Variants in ABLIM2 observed in about 807,000 individuals in gnomAD.
ABLIM2 encodes actin-binding LIM protein 2.
A neutral mutation model predicts 97.7 loss-of-function variants in ABLIM2; 53 were observed. The ratio of observed to expected loss-of-function variants is 0.54; its 90% CI spans 0.44 to 0.68. The LOEUF is 0.68. Among genes scored for constraint, ABLIM2 ranks in the 30% least tolerant of loss-of-function variants. ABLIM2 has a pLI of 0.00. For missense variants in ABLIM2, 835 were observed against 867.2 expected, an observed-to-expected ratio of 0.96 and a Z score of 0.47; for synonymous variants, 361 against 345.8, an observed-to-expected ratio of 1.04 and a Z score of -0.49.
At chr4:8,154,094 C>G (rs1433505629) in intron 1 of ABLIM2, among the ~76,000 whole-genome samples, 1 of 149,666 alleles carries the variant, frequency 6.7e-6, no homozygotes. Context: ...TCCCGAGTAG[C>G]TGGGTCTACA....
chr4:7,994,769 T>TGACTTGTGGGCAAG (rs1752008231), intron 16 of ABLIM2, among the ~76,000 whole-genome samples: 1 of 114,068 alleles, frequency 8.8e-6, no homozygotes, highest in Non-Finnish European at 2.1e-5. Context: ...TGTTGTTTCC[T>TGACTTGTGGGCAAG]GACTTCATGT....
In ABLIM2 at chr4:8,029,506, C is replaced by G. The variant is rs367769091; in HGVS notation, c.1168+150G>C. On this transcript the variant is annotated intron_variant, in intron 11 of 20. Coordinates refer to ENST00000447017, the MANE Select transcript of ABLIM2 (RefSeq NM_001130083.2). ...CTAAATGAACAGGTTCTCAGCCACC[C>G]ACCCGCTGGCAATCCCACCCATTTC... 1.2e-3 allele frequency: 1,255 copies of G among 1,087,572 alleles called. 16 individuals are homozygous for G. The African/African-American group carries it at 0.018, about 15-fold the overall frequency. 67.4% of individuals were successfully genotyped at this position (1,087,572 alleles called of 1,614,324 possible).
Position 8,158,732 on chromosome 4 carries a change from GC to G in ABLIM2, c.-44del, listed in dbSNP as rs1476766187. ...GTCGGGGCGGCCCGGCGCTGCGACA[GC>G]CAGACCCTCGGGCCCGCAGGTGCCG... On this transcript the variant is annotated 5_prime_UTR_variant, in exon 1 of 21. Transcript: ENST00000447017. 9 of 1,408,706 alleles carry G rather than the reference GC, an allele frequency of 6.4e-6. 1 individual carries two copies. Among genetic ancestry groups the G allele is most frequent in the Non-Finnish European group, 8.3e-6 (9 of 1,080,378 alleles). The allele number at this position is 1,408,706 out of a possible 1,614,324, so 87.3% of individuals were successfully genotyped here.
intron 12 of ABLIM2, 34 bp from the exon 13 acceptor site, chr4:8,020,337 G>C: frequency 1.3e-6 from 2 of 1,564,830 alleles, no homozygotes; most frequent in African/African-American, 2.7e-5. Context: ...GCAGATAGAA[G>C]GGGAAACGGG....
Position 7,998,771 on chromosome 4 carries a change from G to A in ABLIM2, c.1619-5844C>T, listed in dbSNP as rs753702151. 5.3e-5 allele frequency: 24 copies of A among 455,698 alleles called. No individual in the cohort carries two copies. Among genetic ancestry groups the A allele is most frequent in the South Asian group, 9.3e-5 (6 of 64,682 alleles). 28.2% of individuals were successfully genotyped at this position (455,698 alleles called of 1,614,324 possible). A position where few individuals can be genotyped will look rare whatever the true frequency, so the allele number is the denominator to read the frequency against. ...GGCCACCTCCTGCTGCTGGGTGGGG[G>A]TGGGAGTGGGCAGGCAGGGCTGCTG... On this transcript the variant is annotated intron_variant, in intron 16 of 20. Coordinates refer to ENST00000447017, the MANE Select transcript of ABLIM2 (RefSeq NM_001130083.2). The surrounding 1 kb of genome is among the most constrained non-coding windows in gnomAD (Gnocchi z 6.4).
intron 14 of ABLIM2, chr4:8,010,508 C>A: frequency 1.0e-6 from 1 of 985,936 alleles, no homozygotes; most frequent in African/African-American, 1.7e-5. Flanking sequence ...AAGACTGATA[C>A]CAGGCCAGAG....
intron 16 of ABLIM2, among the ~76,000 whole-genome samples, chr4:7,995,802 G>A (rs1407151518): frequency 1.3e-5 from 2 of 152,222 alleles, no homozygotes; most frequent in African/African-American, 2.4e-5. Context: ...CATGTGAGAG[G>A]GGCGGGGGTC....
rs1238268059 is a variant in ABLIM2 at position 8,140,752 on chromosome 4, T to G, written c.10+17928A>C. Among the ~76,000 whole-genome samples the G allele has an allele frequency of 6.6e-6, 1 of 151,684 alleles. No homozygotes were observed. The highest frequency in any genetic ancestry group is 1.5e-5 in the Non-Finnish European group (1 of 67,952). On this transcript the variant is annotated intron_variant, in intron 1 of 20. Coordinates refer to ENST00000447017, the MANE Select transcript of ABLIM2 (RefSeq NM_001130083.2). This position sits in a 1 kb window ranked among gnomAD's most constrained non-coding sequence, Gnocchi z 5.9. The stretch of plus-strand genomic sequence containing the variant: ...CAGCAGAGAGTAGCACCCAGACACA[T>G]GTGGAAGGAGGGAAAGGGCTGACGA...
intron 10 of ABLIM2, among the ~76,000 whole-genome samples, chr4:8,030,556 C>T (rs1296423886): frequency 1.3e-5 from 2 of 152,218 alleles, no homozygotes; most frequent in Admixed American, 1.3e-4. Context: ...TCTCCCACCC[C>T]GAGGTGTGCT....
chr4:8,089,250 A>G (rs958273818), intron 3 of ABLIM2, among the ~76,000 whole-genome samples: 3 of 152,180 alleles, frequency 2.0e-5, no homozygotes, highest in African/African-American at 7.2e-5. Context: ...CTAGCAAGCT[A>G]AGGCCAGGCC....
At chr4:8,098,813 G>C (rs1833011112) in intron 2 of ABLIM2, among the ~76,000 whole-genome samples, 1 of 152,206 alleles carries the variant, frequency 6.6e-6, no homozygotes, top group Non-Finnish European at 1.5e-5. Context: ...TGTGAGACCT[G>C]AGTCCTGCCT....
chr4:8,066,892 G>A (rs75614082), intron 6 of ABLIM2, among the ~76,000 whole-genome samples: 1 of 152,168 alleles, frequency 6.6e-6, no homozygotes, highest in Admixed American at 6.5e-5. Flanking sequence ...TTAATTGTAC[G>A]TTACGTGAAT....
At chr4:7,968,594 A>G (rs531019866) in intron 20 of ABLIM2, among the ~76,000 whole-genome samples, 1 of 152,344 alleles carries the variant, frequency 6.6e-6, no homozygotes, top group East Asian at 1.9e-4. Flanking sequence ...ACCACATAGT[A>G]TATGATTCCA....
intron 6 of ABLIM2, among the ~76,000 whole-genome samples, chr4:8,063,900 T>C (rs1308612030): frequency 1.3e-5 from 2 of 152,234 alleles, no homozygotes; most frequent in Non-Finnish European, 2.9e-5. Flanking sequence ...CCAGTCCACA[T>C]TCCTTTCGTT....
In ABLIM2 at chr4:8,051,384, T is replaced by TCCA. The variant is rs1554010342; in HGVS notation, c.822+2803_822+2804insTGG. Among the ~76,000 whole-genome samples the TCCA allele has an allele frequency of 9.5e-5, 14 of 147,678 alleles. 1 individual carries two copies. The highest frequency in any genetic ancestry group is 3.4e-3 in the Middle Eastern group (1 of 290). ...CAACATAATGAAACCCTGTCTCTAC[T>TCCA]AAAAAAAAAAGAAAATACAAAAATT... On this transcript the variant is annotated intron_variant, in intron 8 of 20. Transcript: ENST00000447017.
chr4:8,105,631 C>A (rs1836986845), intron 2 of ABLIM2, among the ~76,000 whole-genome samples: 1 of 152,240 alleles, frequency 6.6e-6, no homozygotes, highest in South Asian at 2.1e-4. Flanking sequence ...GAGTGTGAAT[C>A]TCCAAATGGC....
intron 1 of ABLIM2, among the ~76,000 whole-genome samples, chr4:8,153,597 G>A (rs1238663190): frequency 2.0e-5 from 3 of 152,230 alleles, no homozygotes; most frequent in African/African-American, 4.8e-5. Context: ...GCAGCTGCCT[G>A]TGCTAAGCTC....
At chr4:8,076,499 T>C (rs1346164295) in intron 6 of ABLIM2, among the ~76,000 whole-genome samples, 1 of 152,014 alleles carries the variant, frequency 6.6e-6, no homozygotes, top group Non-Finnish European at 1.5e-5. Context: ...CCTTCCTCAG[T>C]GCCCCTCCCT....
chr4:8,122,087 G>A lies in ABLIM2; in HGVS notation c.11-15450C>T, dbSNP rs1028271663. On this transcript the variant is annotated intron_variant, in intron 1 of 20. Coordinates refer to ENST00000447017, the MANE Select transcript of ABLIM2 (RefSeq NM_001130083.2). This position sits in a 1 kb window ranked among gnomAD's most constrained non-coding sequence, Gnocchi z 4.1. ...CCAGTGCAGGGACCTGGCAGGCTAG[G>A]GGACCTGACAATATGCCCCCAAGCA... 1.1e-4 allele frequency among the ~76,000 whole-genome samples: 17 copies of A among 152,304 alleles called. No individual in the cohort carries two copies. Among genetic ancestry groups the A allele is most frequent in the Middle Eastern group, 3.4e-3 (1 of 294 alleles).
Sources: gnomAD v4.1 joint callset for allele counts (sites outside exome capture counted in the v4.1 genomes callset) on GRCh38, gnomAD v4.1.1 for gene constraint, Gnocchi (gnomAD v3.1) non-coding constraint, MANE v1.5 for transcripts, NCBI Gene and HGNC (gene_info 2026-07-23, HGNC 2026-07-21) for gene names.